DIS3L2: variants seen among roughly 807,000 people sequenced by gnomAD.
The protein encoded by DIS3L2 is DIS3-like exonuclease 2.
In DIS3L2, 34 loss-of-function variants were observed where a neutral mutation model predicts 97.5. That is an observed-to-expected ratio of 0.35 (90% CI 0.27 to 0.46). The LOEUF is 0.46. Among genes scored for constraint, DIS3L2 ranks in the 20% least tolerant of loss-of-function variants. The pLI is 1.00. For synonymous variants in DIS3L2, 435 were observed against 445.2 expected (o/e 0.98, Z 0.29); for missense variants, 1,038 against 1,146.0 (o/e 0.91, Z 1.36).
chr2:232,090,570 A>G (rs1255896116), intron 6 of DIS3L2, among the ~76,000 whole-genome samples: 1 of 152,222 alleles, frequency 6.6e-6, no homozygotes, highest in Non-Finnish European at 1.5e-5. Context: ...GATAATAAAA[A>G]AAATCTGGTT....
chr2:232,100,804 G>GGT (rs61079731), intron 6 of DIS3L2, among the ~76,000 whole-genome samples: 16,321 of 147,646 alleles, frequency 0.11, 955 homozygotes, highest in Middle Eastern at 0.15. Context: ...TTGAAAGAAA[G>GGT]GTGTGTGTGT....
At chr2:232,234,482 T>C (rs913600703) in intron 10 of DIS3L2, among the ~76,000 whole-genome samples, 1 of 152,238 alleles carries the variant, frequency 6.6e-6, no homozygotes, top group African/African-American at 2.4e-5. Context: ...CCCAAGTAGC[T>C]GGGACTACAG....
chr2:232,099,801 G>A (rs1168239516), intron 6 of DIS3L2, among the ~76,000 whole-genome samples: 2 of 151,964 alleles, frequency 1.3e-5, no homozygotes, highest in African/African-American at 4.8e-5. Flanking sequence ...TGCCAGTTTT[G>A]GCATAATTTA....
At chr2:232,169,114 G>T (rs1481748204) in intron 9 of DIS3L2, among the ~76,000 whole-genome samples, 1 of 152,140 alleles carries the variant, frequency 6.6e-6, no homozygotes, top group African/African-American at 2.4e-5. Flanking sequence ...GTGATCATGT[G>T]ATTTCTTCTG....
intron 8 of DIS3L2, among the ~76,000 whole-genome samples, chr2:232,138,360 TGAA>T (rs1481768883): frequency 1.3e-5 from 2 of 152,116 alleles, no homozygotes; most frequent in African/African-American, 4.8e-5. Context: ...AAATAAAAAA[TGAA>T]GATAATCATA....
intron 9 of DIS3L2, 45 bp from the exon 10 acceptor site, chr2:232,210,281 G>A (rs376024458): frequency 2.7e-6 from 4 of 1,467,532 alleles, no homozygotes; most frequent in Non-Finnish European, 3.8e-6. Flanking sequence ...GGGTAAAGTT[G>A]CTATTATTTG....
At chr2:231,983,732 A>G (rs758130349) in intron 1 of DIS3L2, among the ~76,000 whole-genome samples, 20 of 152,096 alleles carry the variant, frequency 1.3e-4, no homozygotes, top group Admixed American at 9.8e-4. Context: ...TGCTAAAAAT[A>G]CAAAAAATTA....
chr2:232,192,449 AT>A (rs1559720865), intron 9 of DIS3L2, among the ~76,000 whole-genome samples: 1 of 152,254 alleles, frequency 6.6e-6, no homozygotes, highest in South Asian at 2.1e-4. Flanking sequence ...GATTAAAAAA[AT>A]AAATCAGAAG....
At chr2:232,308,033 GA>G (rs1226598924) in intron 14 of DIS3L2, among the ~76,000 whole-genome samples, 1 of 152,210 alleles carries the variant, frequency 6.6e-6, no homozygotes, top group African/African-American at 2.4e-5. Flanking sequence ...GGCTGTCTGG[GA>G]AATCCTGGGA....
chr2:232,188,418 G>A (rs1261900419), intron 9 of DIS3L2, among the ~76,000 whole-genome samples: 5 of 152,130 alleles, frequency 3.3e-5, no homozygotes, highest in Non-Finnish European at 7.4e-5. Flanking sequence ...TCCAGAATTA[G>A]ATCCACACAA....
chr2:232,029,641 T>A (rs1559554664), intron 4 of DIS3L2, among the ~76,000 whole-genome samples: 1 of 152,116 alleles, frequency 6.6e-6, no homozygotes. Context: ...ATTTAGTCTC[T>A]CTGCCACTTT....
At chr2:232,329,792 C>G in intron 14 of DIS3L2, 21 bp from the exon 15 acceptor site, 5 of 353,686 alleles carry the variant, frequency 1.4e-5, no homozygotes, top group Non-Finnish European at 2.7e-5. Context: ...CGGTCCCTCC[C>G]ATCCCACCCA....
chr2:232,205,290 C>G (rs1692000590), intron 9 of DIS3L2, among the ~76,000 whole-genome samples: 1 of 151,004 alleles, frequency 6.6e-6, no homozygotes, highest in African/African-American at 2.4e-5. Flanking sequence ...GGGTCTTGCT[C>G]TATCACCCAG....
chr2:232,002,134 C>T (rs921457359), intron 1 of DIS3L2, among the ~76,000 whole-genome samples: 2 of 152,130 alleles, frequency 1.3e-5, no homozygotes, highest in African/African-American at 2.4e-5. Context: ...AGAGATTGTC[C>T]TTTCCCCACT....
exon 14 of DIS3L2, chr2:232,343,767 T>C: frequency 1.7e-6 from 1 of 588,226 alleles, no homozygotes; most frequent in Non-Finnish European, 3.0e-6. Flanking sequence ...CTCTTCAGCC[T>C]TGCAGAGGTT....
At position 232,148,998 on chromosome 2, in the gene DIS3L2, A is replaced by G. The variant is rs1206729790; in HGVS notation, c.950+12279A>G. Among the ~76,000 whole-genome samples the G allele has an allele frequency of 1.5e-4, 22 of 148,658 alleles. No homozygotes were observed. The South Asian group carries it at 4.7e-3, about 32-fold the overall frequency. ...TTAAAATAAAACTTCTCCCCAGAAA[A>G]AGAGTTCTATAAATGATGGCTGTAG... On this transcript the variant is annotated intron_variant, in intron 8 of 20. Transcript: ENST00000325385.
At chr2:232,231,387 T>C (rs1306654855) in intron 10 of DIS3L2, among the ~76,000 whole-genome samples, 1 of 152,216 alleles carries the variant, frequency 6.6e-6, no homozygotes, top group South Asian at 2.1e-4. Flanking sequence ...TAATTAAAGC[T>C]GGTGCTACCC....
intron 6 of DIS3L2, among the ~76,000 whole-genome samples, chr2:232,104,288 G>A (rs1004501797): frequency 5.9e-5 from 9 of 152,258 alleles, no homozygotes; most frequent in African/African-American, 1.2e-4. Flanking sequence ...GTCAGAGGAC[G>A]AGGGCCTACC....
intron 12 of DIS3L2, among the ~76,000 whole-genome samples, chr2:232,253,620 C>A (rs578139766): frequency 3.3e-4 from 49 of 146,354 alleles, no homozygotes; most frequent in African/African-American, 1.4e-3. Flanking sequence ...GAATTCTGAT[C>A]ATTGTCATGT....
Sources: allele counts gnomAD v4.1 joint callset (sites outside exome capture counted in the v4.1 genomes callset), GRCh38; gene constraint gnomAD v4.1.1; transcripts MANE v1.5; gene names NCBI Gene and HGNC (gene_info 2026-07-23, HGNC 2026-07-21).